PLPPR5: variants seen among roughly 807,000 people sequenced by gnomAD.
PLPPR5 encodes phospholipid phosphatase-related protein type 5.
A neutral mutation model predicts 33.9 loss-of-function variants in PLPPR5; 16 were observed. That is an observed-to-expected ratio of 0.47 (90% CI 0.32 to 0.72). The LOEUF is 0.72. PLPPR5 is among the 30% of genes least tolerant of loss of function. The probability of loss-of-function intolerance (pLI) is 0.03; values close to 1 mark genes in which losing one functional copy is unlikely to be tolerated. For missense variants in PLPPR5, 301 were observed against 406.7 expected (o/e 0.74, Z 2.23); for synonymous variants, 163 against 150.3 (o/e 1.08, Z -0.62).
At chr1:98,939,871 C>T (rs1650310727) in intron 3 of PLPPR5, among the ~76,000 whole-genome samples, 1 of 151,932 alleles carries the variant, frequency 6.6e-6, no homozygotes, top group African/African-American at 2.4e-5. Context: ...CCTTTCACCT[C>T]ATTTTGCTTA....
At chr1:98,916,497 A>G (rs1649357494) in intron 4 of PLPPR5, among the ~76,000 whole-genome samples, 1 of 152,266 alleles carries the variant, frequency 6.6e-6, no homozygotes, top group Admixed American at 6.5e-5. Flanking sequence ...AAAGGAAGAC[A>G]GTAAATATTT....
At chr1:98,908,171 G>A (rs1028761346) in intron 5 of PLPPR5, among the ~76,000 whole-genome samples, 9 of 152,134 alleles carry the variant, frequency 5.9e-5, no homozygotes, top group Non-Finnish European at 1.5e-5. Context: ...TTCTCACTCT[G>A]GAATTTTGGG....
chr1:98,938,441 T>C (rs1478560812), intron 3 of PLPPR5, among the ~76,000 whole-genome samples: 1 of 147,396 alleles, frequency 6.8e-6, no homozygotes, highest in Non-Finnish European at 1.5e-5. Context: ...AAAAAAAGTA[T>C]AGTATTTTTA....
chr1:98,958,269 A>G (rs1651092278), intron 1 of PLPPR5, among the ~76,000 whole-genome samples: 1 of 152,236 alleles, frequency 6.6e-6, no homozygotes, highest in Admixed American at 6.5e-5. Context: ...TATTCAAAAT[A>G]GAAAGTGTGA....
chr1:98,943,105 C>T (rs527982088), intron 3 of PLPPR5, among the ~76,000 whole-genome samples: 8 of 152,252 alleles, frequency 5.3e-5, no homozygotes, highest in African/African-American at 1.9e-4. Flanking sequence ...CATAGCATCC[C>T]TTAGGGGCAA....
intron 3 of PLPPR5, among the ~76,000 whole-genome samples, chr1:98,950,148 G>A (rs1357762660): frequency 6.6e-6 from 1 of 151,990 alleles, no homozygotes; most frequent in Non-Finnish European, 1.5e-5. Context: ...AAAAATTTGT[G>A]GTTCTATGGA....
At chr1:98,957,778 A>C (rs1651068753) in intron 1 of PLPPR5, among the ~76,000 whole-genome samples, 1 of 152,208 alleles carries the variant, frequency 6.6e-6, no homozygotes, top group Non-Finnish European at 1.5e-5. Context: ...CCCTTTTACA[A>C]GTAAAGAAAC....
chr1:98,896,175 C>A (rs1648465982), intron 5 of PLPPR5, among the ~76,000 whole-genome samples: 1 of 151,956 alleles, frequency 6.6e-6, no homozygotes, highest in African/African-American at 2.4e-5. Context: ...TATGTACATG[C>A]ATAATTTGAA....
chr1:98,917,464 C>T (rs544539120), intron 4 of PLPPR5, among the ~76,000 whole-genome samples: 42 of 152,236 alleles, frequency 2.8e-4, no homozygotes, highest in African/African-American at 9.6e-4. Context: ...ATTATGTTAC[C>T]CCCTTAAAGC....
At chr1:98,998,865 C>G (rs1345583596) in intron 1 of PLPPR5, among the ~76,000 whole-genome samples, 1 of 151,944 alleles carries the variant, frequency 6.6e-6, no homozygotes, top group Non-Finnish European at 1.5e-5. Context: ...ATGTTAGTCC[C>G]CAATATGATT....
At chr1:99,003,445 A>C (rs564639467) in intron 1 of PLPPR5, among the ~76,000 whole-genome samples, 1 of 151,930 alleles carries the variant, frequency 6.6e-6, no homozygotes, top group African/African-American at 2.4e-5. Context: ...GGAGAGAGAG[A>C]GCGCGCATCA....
chr1:98,932,960 A>G (rs915333110), intron 3 of PLPPR5, among the ~76,000 whole-genome samples: 1 of 152,186 alleles, frequency 6.6e-6, no homozygotes, highest in African/African-American at 2.4e-5. Flanking sequence ...TTCAGCATTC[A>G]GAACATTTTC....
chr1:98,926,254 A>G (rs1207700903), intron 3 of PLPPR5, among the ~76,000 whole-genome samples: 1 of 152,126 alleles, frequency 6.6e-6, no homozygotes, highest in East Asian at 1.9e-4. Context: ...AGTACAGCCC[A>G]AAATTAAGCA....
intron 1 of PLPPR5, among the ~76,000 whole-genome samples, chr1:99,002,498 A>T (rs1652887489): frequency 6.6e-6 from 1 of 152,130 alleles, no homozygotes; most frequent in South Asian, 2.1e-4. Flanking sequence ...TTATTATCTG[A>T]ACCTCACTTT....
chr1:98,904,759 G>A (rs948525195), intron 5 of PLPPR5, among the ~76,000 whole-genome samples: 8 of 152,124 alleles, frequency 5.3e-5, no homozygotes, highest in African/African-American at 1.9e-4. Flanking sequence ...TGGAAGGACT[G>A]CCAATGCACA....
At chr1:98,958,319 A>G (rs1488360040) in intron 1 of PLPPR5, among the ~76,000 whole-genome samples, 2 of 152,204 alleles carry the variant, frequency 1.3e-5, no homozygotes, top group African/African-American at 4.8e-5. Flanking sequence ...TGTTTGACCT[A>G]CTTTTACCCC....
intron 3 of PLPPR5, among the ~76,000 whole-genome samples, chr1:98,950,315 G>A (rs1650730795): frequency 6.6e-6 from 1 of 151,978 alleles, no homozygotes; most frequent in South Asian, 2.1e-4. Context: ...AAATACAAAG[G>A]AACTAGTAAA....
chr1:98,923,706 C>T lies in PLPPR5; in HGVS notation c.622-1648G>A, dbSNP rs144057644. 1.8e-4 allele frequency among the ~76,000 whole-genome samples: 28 copies of T among 152,218 alleles called. No homozygotes were observed. In the East Asian group the frequency reaches 4.8e-3, roughly 26 times the overall value. The stretch of plus-strand genomic sequence containing the variant: ...TGTCTCCATCTTGGCCTGTGACCTT[C>T]GGAGCTGGGTCTGTGTGTCTAAGAC... On this transcript the variant is annotated intron_variant, in intron 3 of 5. Coordinates refer to ENST00000263177, the MANE Select transcript of PLPPR5 (RefSeq NM_001037317.2).
intron 3 of PLPPR5, among the ~76,000 whole-genome samples, chr1:98,947,557 C>T (rs1650602674): frequency 1.3e-5 from 2 of 151,880 alleles, no homozygotes; most frequent in Admixed American, 1.3e-4. Flanking sequence ...AATATCTGGG[C>T]CTAAGATACA....
Sources: allele counts gnomAD v4.1 joint callset (sites outside exome capture counted in the v4.1 genomes callset), GRCh38; gene constraint gnomAD v4.1.1; transcripts MANE v1.5; gene names NCBI Gene and HGNC (gene_info 2026-07-23, HGNC 2026-07-21).